FBXW7: variants seen among roughly 807,000 people sequenced by gnomAD.
The protein encoded by FBXW7 is F-box and WD repeat domain containing 7, also known as F-box/WD repeat-containing protein 7.
Under a neutral mutation model 86.3 loss-of-function variants are expected in FBXW7, and 11 were observed. The ratio of observed to expected loss-of-function variants is 0.13; its 90% CI spans 0.08 to 0.21. FBXW7 has a LOEUF of 0.21. Among genes scored for constraint, FBXW7 ranks in the 10% least tolerant of loss-of-function variants. The pLI is 1.00. For synonymous variants in FBXW7, 313 were observed against 297.9 expected (o/e 1.05, Z -0.52); for missense variants, 488 against 847.4 (o/e 0.58, Z 5.27).
intron 2 of FBXW7, among the ~76,000 whole-genome samples, chr4:152,424,157 G>A (rs182148261): frequency 6.6e-5 from 10 of 152,112 alleles, no homozygotes; most frequent in South Asian, 4.1e-4. Flanking sequence ...GAAAGCCACC[G>A]TACCTGGCCA....
In FBXW7 at chr4:152,449,762, A is replaced by G. The variant is rs914256213; in HGVS notation, c.-119-37233T>C. Among the ~76,000 whole-genome samples the G allele has an allele frequency of 3.9e-5, 6 of 152,338 alleles. 1 individual carries two copies. The highest frequency in any genetic ancestry group is 3.9e-4 in the Admixed American group (6 of 15,308). ...TATACCTTTTATACTTAAGCATTCTACCTTTGCCAATAATGCACAAAGGTA... is the reference window on the plus strand; with the variant it reads ...TATACCTTTTATACTTAAGCATTCTGCCTTTGCCAATAATGCACAAAGGTA... On this transcript the variant is annotated intron_variant, in intron 2 of 13. Coordinates refer to ENST00000281708, the MANE Select transcript of FBXW7 (RefSeq NM_001349798.2).
intron 4 of FBXW7, among the ~76,000 whole-genome samples, chr4:152,372,741 T>G (rs1201776309): frequency 3.9e-5 from 6 of 152,006 alleles, no homozygotes; most frequent in African/African-American, 7.2e-5. Flanking sequence ...TTAGTTTATA[T>G]TTACAAATTT....
chr4:152,478,428 T>C (rs780251394), intron 2 of FBXW7, among the ~76,000 whole-genome samples: 3 of 152,134 alleles, frequency 2.0e-5, no homozygotes, highest in South Asian at 2.1e-4. Context: ...TGAATAATAT[T>C]CTACTATATG....
intron 4 of FBXW7, among the ~76,000 whole-genome samples, chr4:152,364,307 C>A (rs919978155): frequency 6.6e-6 from 1 of 152,096 alleles, no homozygotes; most frequent in African/African-American, 2.4e-5. Context: ...TCCTTCATGT[C>A]CTGCTTTATT....
chr4:152,347,090 G>T lies in FBXW7; in HGVS notation c.585-19C>A. On this transcript the variant is annotated intron_variant, in intron 5 of 13. Coordinates refer to ENST00000281708, the MANE Select transcript of FBXW7 (RefSeq NM_001349798.2). ...AGTGGTACTACAAAAAAAAAAAAAAGAGAGAGAGAAAGGATAAAAGGAAAA... is the reference window on the plus strand; with the variant it reads ...AGTGGTACTACAAAAAAAAAAAAAATAGAGAGAGAAAGGATAAAAGGAAAA... 7.6e-7 allele frequency: 1 copy of T among 1,310,062 alleles called. No homozygotes were observed. The highest frequency in any genetic ancestry group is 1.1e-6 in the Non-Finnish European group (1 of 933,990). The allele number at this position is 1,310,062 out of a possible 1,614,324, so 81.2% of individuals were successfully genotyped here.
intron 2 of FBXW7, among the ~76,000 whole-genome samples, chr4:152,422,184 G>A (rs1044592031): frequency 1.3e-5 from 2 of 152,090 alleles, no homozygotes; most frequent in African/African-American, 4.8e-5. Flanking sequence ...CTAGCCTCTT[G>A]AAATCAGAAG....
At chr4:152,384,001 T>C (rs1174849629) in intron 4 of FBXW7, among the ~76,000 whole-genome samples, 1 of 152,130 alleles carries the variant, frequency 6.6e-6, no homozygotes, top group African/African-American at 2.4e-5. Flanking sequence ...AGGATGGTTT[T>C]AAAACAAAAC....
At chr4:152,334,052 T>TCAACAA (rs573332703) in intron 7 of FBXW7, among the ~76,000 whole-genome samples, 1,940 of 151,548 alleles carry the variant, frequency 0.013, 16 homozygotes, top group Non-Finnish European at 0.017. Context: ...AGATTCTGTC[T>TCAACAA]CAACAACAAC....
intron 13 of FBXW7, 161 bp downstream of exon 13, chr4:152,324,023 G>A: frequency 1.7e-6 from 1 of 605,646 alleles, no homozygotes; most frequent in Non-Finnish European, 2.9e-6. Context: ...ATTTCCTCAA[G>A]AGTAGACTAG....
intron 2 of FBXW7, among the ~76,000 whole-genome samples, chr4:152,516,801 T>C (rs1027990027): frequency 2.6e-5 from 4 of 152,230 alleles, no homozygotes; most frequent in African/African-American, 9.6e-5. Flanking sequence ...CAAACAATAC[T>C]GTAAACTTAG....
At chr4:152,334,613 A>G (rs1412501504) in intron 7 of FBXW7, among the ~76,000 whole-genome samples, 2 of 152,236 alleles carry the variant, frequency 1.3e-5, no homozygotes, top group Non-Finnish European at 2.9e-5. Context: ...AAAGACTAGG[A>G]AACAGCAAAT....
At chr4:152,489,520 G>A (rs1579335529) in intron 2 of FBXW7, 1 of 152,414 alleles carries the variant, frequency 6.6e-6, no homozygotes, top group East Asian at 1.9e-4. Context: ...TAAACTAACT[G>A]TCACTTAAAG....
intron 7 of FBXW7, among the ~76,000 whole-genome samples, chr4:152,335,284 TC>T (rs941600714): frequency 6.6e-6 from 1 of 150,908 alleles, no homozygotes; most frequent in Non-Finnish European, 1.5e-5. Flanking sequence ...AAAAGGGACA[TC>T]CCCCCCTACC....
intron 2 of FBXW7, among the ~76,000 whole-genome samples, chr4:152,457,265 G>GTA (rs1384838404): frequency 1.3e-5 from 2 of 152,174 alleles, no homozygotes; most frequent in South Asian, 4.1e-4. Flanking sequence ...TAAGGGTGAT[G>GTA]TATATATTCA....
chr4:152,493,855 T>C (rs1002178134), intron 2 of FBXW7, among the ~76,000 whole-genome samples: 1 of 152,178 alleles, frequency 6.6e-6, no homozygotes, highest in African/African-American at 2.4e-5. Context: ...GCACACCAAG[T>C]GAGAGATCAA....
chr4:152,323,207 T>C (rs1240856486), intron 13 of FBXW7, 58 bp from the exon 14 acceptor site: 2 of 1,539,672 alleles, frequency 1.3e-6, no homozygotes, highest in African/African-American at 2.7e-5. Context: ...ATGAGTTAGT[T>C]ACATTATAAT....
rs1183750225 is a variant in FBXW7 at position 152,359,770 on chromosome 4, C to CA, written c.502-9647dup. 1.3e-4 allele frequency among the ~76,000 whole-genome samples: 19 copies of CA among 151,236 alleles called. 1 individual carries two copies. The highest frequency in any genetic ancestry group is 6.3e-4 in the South Asian group (3 of 4,792). ...AAGAGCAAAACTCAGTCTCAAAAAA[C>CA]AAAAAAAACCCACAAAGACAAGAAA... On this transcript the variant is annotated intron_variant, in intron 4 of 13. Coordinates refer to ENST00000281708, the MANE Select transcript of FBXW7 (RefSeq NM_001349798.2).
intron 2 of FBXW7, 188 bp from the exon 3 acceptor site, chr4:152,412,717 A>T (rs981244080): frequency 3.3e-5 from 5 of 152,130 alleles, no homozygotes; most frequent in African/African-American, 7.2e-5. Context: ...AAATATTTTT[A>T]AAAACATGGA....
intron 2 of FBXW7, among the ~76,000 whole-genome samples, chr4:152,501,282 A>C (rs934144572): frequency 6.6e-6 from 1 of 152,196 alleles, no homozygotes; most frequent in South Asian, 2.1e-4. Flanking sequence ...TTCTCTCAAG[A>C]CAAGTTCCAC....
Sources: gnomAD v4.1 joint callset for allele counts (sites outside exome capture counted in the v4.1 genomes callset) on GRCh38, gnomAD v4.1.1 for gene constraint, MANE v1.5 for transcripts, NCBI Gene and HGNC (gene_info 2026-07-23, HGNC 2026-07-21) for gene names.